The following WDR7 variants were observed in gnomAD, a reference collection of about 807,000 sequenced individuals.
WDR7 encodes WD repeat domain 7.
A neutral mutation model predicts 169.4 loss-of-function variants in WDR7; 46 were observed. That is an observed-to-expected ratio of 0.27 (90% CI 0.21 to 0.35). The LOEUF (loss-of-function observed/expected upper bound fraction) is 0.35, where lower values mean the gene tolerates loss of function less well. WDR7 is among the 10% of genes least tolerant of loss of function. The pLI is 1.00. For missense variants in WDR7, 1,534 were observed against 1,859.3 expected, an observed-to-expected ratio of 0.83 and a Z score of 3.22; for synonymous variants, 612 against 666.8, an observed-to-expected ratio of 0.92 and a Z score of 1.27.
chr18:56,944,357 T>C (rs781058800), intron 25 of WDR7, among the ~76,000 whole-genome samples: 1 of 152,208 alleles, frequency 6.6e-6, no homozygotes, highest in Non-Finnish European at 1.5e-5. Flanking sequence ...AACTTTAACG[T>C]GGTAATTTCT....
chr18:56,705,110 G>C (rs1286288739), intron 12 of WDR7, among the ~76,000 whole-genome samples: 1 of 152,142 alleles, frequency 6.6e-6, no homozygotes, highest in Non-Finnish European at 1.5e-5. Flanking sequence ...TAGGATTACA[G>C]GTGTGAGCCA....
In WDR7 at chr18:56,820,369, C is replaced by T. The variant is rs1277351452; in HGVS notation, c.3304+4225C>T. 3.0e-5 allele frequency among the ~76,000 whole-genome samples: 3 copies of T among 100,840 alleles called. 1 individual carries two copies. Among genetic ancestry groups the T allele is most frequent in the Admixed American group, 2.9e-4 (3 of 10,392 alleles). 66.2% of individuals were successfully genotyped at this position (100,840 alleles called of 152,430 possible). ...AAAAAAAAAAAAAAAAAAAAACCAC[C>T]TTGATACTAGATCAGCAGCACAGTT... On this transcript the variant is annotated intron_variant, in intron 20 of 27. Coordinates refer to ENST00000254442, the MANE Select transcript of WDR7 (RefSeq NM_015285.3).
chr18:56,936,069 A>G (rs1459310237), intron 23 of WDR7, 164 bp downstream of exon 23: 6 of 599,682 alleles, frequency 1.0e-5, no homozygotes, highest in South Asian at 2.4e-5. Flanking sequence ...GTGCATGTAC[A>G]CTGAATTCCA....
intron 21 of WDR7, among the ~76,000 whole-genome samples, chr18:56,885,609 G>T (rs1450592435): frequency 6.6e-6 from 1 of 151,628 alleles, no homozygotes; most frequent in African/African-American, 2.4e-5. Flanking sequence ...CGGATCACGA[G>T]GTCAGATCAA....
rs2045309425 is a variant in WDR7 at position 56,831,580 on chromosome 18, C to G, written c.3304+15436C>G. 2.6e-5 allele frequency among the ~76,000 whole-genome samples: 4 copies of G among 151,962 alleles called. No individual in the cohort carries two copies. The South Asian group carries it at 6.3e-4, about 24-fold the overall frequency. ...ATAGGAACAGCTCCCATCTGCAGCT[C>G]CCAGCGAGACCAACCCAGAAGGTGG... On this transcript the variant is annotated intron_variant, in intron 20 of 27. Transcript: ENST00000254442.
chr18:56,784,120 G>GC (rs923210707), intron 19 of WDR7, among the ~76,000 whole-genome samples: 1 of 152,126 alleles, frequency 6.6e-6, no homozygotes, highest in African/African-American at 2.4e-5. Flanking sequence ...GCCTGCCTCT[G>GC]CCCCCAGCCT....
chr18:56,871,231 C>G (rs1263969984), intron 20 of WDR7, among the ~76,000 whole-genome samples: 1 of 152,162 alleles, frequency 6.6e-6, no homozygotes, highest in Non-Finnish European at 1.5e-5. Context: ...ACAAAGTTCA[C>G]TTTGCTAAGT....
chr18:57,005,093 C>T (rs890999403), intron 26 of WDR7, among the ~76,000 whole-genome samples: 17 of 152,126 alleles, frequency 1.1e-4, no homozygotes, highest in African/African-American at 3.9e-4. Flanking sequence ...TTTATAATAC[C>T]GTGTCAGGCA....
chr18:56,830,064 C>T (rs376032396), intron 20 of WDR7, among the ~76,000 whole-genome samples: 2 of 152,050 alleles, frequency 1.3e-5, no homozygotes. Flanking sequence ...CCACATATAC[C>T]GGAAGTCTGC....
chr18:56,787,077 A>G (rs1208478188), intron 19 of WDR7, among the ~76,000 whole-genome samples: 1 of 152,134 alleles, frequency 6.6e-6, no homozygotes, highest in Non-Finnish European at 1.5e-5. Flanking sequence ...GGCAGAACCC[A>G]GTTTTATATG....
chr18:56,739,940 G>T (rs2043591064), intron 14 of WDR7, among the ~76,000 whole-genome samples: 1 of 139,466 alleles, frequency 7.2e-6, no homozygotes, highest in African/African-American at 2.6e-5. Context: ...CTGTAGGTTT[G>T]TGTCTTTCAC....
chr18:56,987,957 A>G (rs1000813075), intron 26 of WDR7, among the ~76,000 whole-genome samples: 1 of 152,226 alleles, frequency 6.6e-6, no homozygotes, highest in South Asian at 2.1e-4. Context: ...TAAATTATTA[A>G]TCATAAATAT....
chr18:57,028,444 A>C lies in WDR7; in HGVS notation c.*1237A>C, dbSNP rs2145961557. On this transcript the variant is annotated 3_prime_UTR_variant, in exon 28 of 28. Transcript: ENST00000254442. Reference sequence around the variant, plus strand: ...AAAAATAGAATTATATTTTGTATGAATTGTTTCTAACAAACCTTGATCTGT... The same window carrying C: ...AAAAATAGAATTATATTTTGTATGACTTGTTTCTAACAAACCTTGATCTGT... 1 of 152,300 alleles carries C rather than the reference A, an allele frequency of 6.6e-6. No homozygotes were observed. The highest frequency in any genetic ancestry group is 2.1e-4 in the South Asian group (1 of 4,826). The allele number at this position is 152,300 out of a possible 1,614,324, so 9.4% of individuals were successfully genotyped here.
At position 57,003,668 on chromosome 18, in the gene WDR7, A is replaced by G. The variant is rs79352888; in HGVS notation, c.4165-17077A>G. Among the ~76,000 whole-genome samples the G allele has an allele frequency of 3.6e-3, 541 of 152,250 alleles. 2 individuals are homozygous for G. Among genetic ancestry groups the G allele is most frequent in the African/African-American group, 0.012 (496 of 41,556 alleles). ...AAATGTAATGATTTGGATCACACGAATCTTTCAGTAAATATTTTTTAAAAT... is the reference window on the plus strand; with the variant it reads ...AAATGTAATGATTTGGATCACACGAGTCTTTCAGTAAATATTTTTTAAAAT... On this transcript the variant is annotated intron_variant, in intron 26 of 27. Transcript: ENST00000254442.
At chr18:56,961,842 G>A (rs2047343488) in intron 25 of WDR7, among the ~76,000 whole-genome samples, 1 of 152,006 alleles carries the variant, frequency 6.6e-6, no homozygotes. Context: ...GGAAATCAAG[G>A]GAACTTGACA....
chr18:56,688,809 A>AAG (rs770919227), intron 7 of WDR7, among the ~76,000 whole-genome samples: 1 of 152,064 alleles, frequency 6.6e-6, no homozygotes, highest in Non-Finnish European at 1.5e-5. Flanking sequence ...CCTTCCAGAT[A>AAG]AGAGTATCTA....
In WDR7 at chr18:56,816,057, A is replaced by G. The variant is rs2044963031; in HGVS notation, c.3217A>G (p.Thr1073Ala). ...SPGVTSEAAQ[T>A]ITTAPDASGP... ...TGGAGTCACATCAGAAGCCGCGCAGACTATCACCACGGCTCCTGATGCCTC... is the reference window on the plus strand; with the variant it reads ...TGGAGTCACATCAGAAGCCGCGCAGGCTATCACCACGGCTCCTGATGCCTC... The change falls in exon 20 of 28, where the codon ACT (threonine) becomes GCT (alanine). Residue 1073 changes from threonine (T) to alanine (A), a missense_variant. Transcript: ENST00000254442. The G allele has an allele frequency of 1.2e-6, 2 of 1,612,994 alleles. No individual in the cohort carries two copies. Among genetic ancestry groups the G allele is most frequent in the Non-Finnish European group, 1.7e-6 (2 of 1,179,720 alleles).
chr18:56,824,753 C>T (rs190024485), intron 20 of WDR7, among the ~76,000 whole-genome samples: 8 of 152,192 alleles, frequency 5.3e-5, no homozygotes, highest in African/African-American at 1.2e-4. Flanking sequence ...TTAGCTCTAC[C>T]GAGTTAGTCA....
At chr18:56,761,594 T>C (rs1346118249) in intron 16 of WDR7, among the ~76,000 whole-genome samples, 7 of 152,128 alleles carry the variant, frequency 4.6e-5, no homozygotes, top group African/African-American at 1.7e-4. Flanking sequence ...TTAATATCTT[T>C]ATGGGATTCA....
Sources: allele counts gnomAD v4.1 joint callset (sites outside exome capture counted in the v4.1 genomes callset), GRCh38; gene constraint gnomAD v4.1.1; transcripts MANE v1.5; gene names NCBI Gene and HGNC (gene_info 2026-07-23, HGNC 2026-07-21).